The following ARL15 variants were observed in gnomAD, a reference collection of about 807,000 sequenced individuals.
ARL15 encodes ADP-ribosylation factor-like protein 15.
A neutral mutation model predicts 25.2 loss-of-function variants in ARL15; 19 were observed. The ratio of observed to expected loss-of-function variants is 0.75; its 90% confidence interval spans 0.53 to 1.10. The LOEUF is 1.10. ARL15 is among the 50% of genes least tolerant of loss of function. The probability of loss-of-function intolerance (pLI) is 0.00; values close to 1 mark genes in which losing one functional copy is unlikely to be tolerated. For synonymous variants in ARL15, 94 were observed against 86.8 expected (o/e 1.08, Z -0.46); for missense variants, 220 against 246.0 (o/e 0.89, Z 0.71).
chr5:54,018,054 G>C (rs1033317494), intron 4 of ARL15, among the ~76,000 whole-genome samples: 1 of 152,098 alleles, frequency 6.6e-6, no homozygotes, highest in South Asian at 2.1e-4. Flanking sequence ...CACTAGGCTT[G>C]TTGCCTAGTG....
chr5:54,191,473 A>T (rs1439615603), intron 1 of ARL15, among the ~76,000 whole-genome samples: 1 of 144,724 alleles, frequency 6.9e-6, no homozygotes, highest in East Asian at 1.9e-4. Context: ...TGAATTTTAT[A>T]TGTATTTTAC....
intron 4 of ARL15, among the ~76,000 whole-genome samples, chr5:53,959,717 G>A (rs1285192878): frequency 6.6e-6 from 1 of 151,864 alleles, no homozygotes; most frequent in Non-Finnish European, 1.5e-5. Flanking sequence ...TTGATCATTT[G>A]TCACCTTCTC....
intron 1 of ARL15, among the ~76,000 whole-genome samples, chr5:54,230,176 G>C (rs746196439): frequency 6.6e-6 from 1 of 151,690 alleles, no homozygotes; most frequent in Admixed American, 6.6e-5. Context: ...ATGAAATCCC[G>C]TCTCTACCAA....
In ARL15 at chr5:54,069,558, C is replaced by CAA. The variant is rs34795383; in HGVS notation, c.462+43642_462+43643dup. Among the ~76,000 whole-genome samples the CAA allele has an allele frequency of 3.1e-3, 150 of 48,076 alleles. 11 individuals are homozygous for CAA. The highest frequency in any genetic ancestry group is 0.012 in the African/African-American group (110 of 9,194). The allele number at this position is 48,076 out of a possible 152,430, so 31.5% of individuals were successfully genotyped here. A position where few individuals can be genotyped will look rare whatever the true frequency, so the allele number is the denominator to read the frequency against. ...CCTGGGTGACAACAGCAAAACGTCT[C>CAA]AAAAAAAAAAAAAAAAAAAAAAAAA... On this transcript the variant is annotated intron_variant, in intron 4 of 4. Coordinates refer to ENST00000504924, the MANE Select transcript of ARL15 (RefSeq NM_019087.3).
intron 4 of ARL15, among the ~76,000 whole-genome samples, chr5:53,942,379 A>G (rs1396454908): frequency 1.3e-5 from 2 of 152,170 alleles, no homozygotes; most frequent in Non-Finnish European, 2.9e-5. Context: ...ATAATCTAGA[A>G]ATCGGTTGAG....
At chr5:54,055,438 G>C (rs1004658263) in intron 4 of ARL15, among the ~76,000 whole-genome samples, 1 of 133,610 alleles carries the variant, frequency 7.5e-6, no homozygotes, top group South Asian at 2.3e-4. Flanking sequence ...TTGGCTCACT[G>C]CAACCTCCAT....
intron 1 of ARL15, among the ~76,000 whole-genome samples, chr5:54,267,681 A>G (rs1579966111): frequency 6.6e-6 from 1 of 152,154 alleles, no homozygotes; most frequent in Non-Finnish European, 1.5e-5. Context: ...AAAATCTCTC[A>G]GCATTAGCTT....
At chr5:54,125,085 G>GC (rs1409334463) in intron 3 of ARL15, among the ~76,000 whole-genome samples, 1 of 136,464 alleles carries the variant, frequency 7.3e-6, no homozygotes, top group Non-Finnish European at 1.6e-5. Flanking sequence ...GTTTTGTTTT[G>GC]TTTTTTTTTT....
At chr5:54,193,387 C>T (rs892462510) in intron 1 of ARL15, among the ~76,000 whole-genome samples, 1 of 152,186 alleles carries the variant, frequency 6.6e-6, no homozygotes, top group African/African-American at 2.4e-5. Context: ...TGAACCGGTA[C>T]TGGTCCATGG....
chr5:53,976,874 C>T (rs998983911), intron 4 of ARL15, among the ~76,000 whole-genome samples: 1 of 152,134 alleles, frequency 6.6e-6, no homozygotes, highest in African/African-American at 2.4e-5. Context: ...CAGTAACGAA[C>T]TTCATGGATT....
chr5:53,887,137 T>C (rs1181131297), intron 4 of ARL15, among the ~76,000 whole-genome samples: 3 of 152,242 alleles, frequency 2.0e-5, no homozygotes, highest in Non-Finnish European at 2.9e-5. Flanking sequence ...GGTACTATAT[T>C]GATTACTCAA....
chr5:54,061,417 C>T (rs1286089930), intron 4 of ARL15, among the ~76,000 whole-genome samples: 3 of 152,072 alleles, frequency 2.0e-5, no homozygotes, highest in Admixed American at 2.0e-4. Context: ...CGAGACCAGC[C>T]TGACTACCAT....
At chr5:54,272,660 C>T (rs1337413961) in intron 1 of ARL15, among the ~76,000 whole-genome samples, 1 of 152,190 alleles carries the variant, frequency 6.6e-6, no homozygotes, top group East Asian at 1.9e-4. Flanking sequence ...AGAAACCTCA[C>T]AATGGCCCTT....
intron 4 of ARL15, among the ~76,000 whole-genome samples, chr5:54,002,388 G>T (rs1748875326): frequency 6.6e-6 from 1 of 152,208 alleles, no homozygotes; most frequent in Non-Finnish European, 1.5e-5. Context: ...GAATTGAGAA[G>T]AGGAACTTGG....
chr5:54,110,393 C>T (rs991827159), intron 4 of ARL15, among the ~76,000 whole-genome samples: 6 of 151,978 alleles, frequency 3.9e-5, no homozygotes, highest in African/African-American at 1.2e-4. Context: ...AATTATTGCA[C>T]ATTTTCTGCA....
intron 3 of ARL15, among the ~76,000 whole-genome samples, chr5:54,138,890 C>T (rs1285684892): frequency 2.6e-5 from 4 of 152,026 alleles, no homozygotes; most frequent in Non-Finnish European, 5.9e-5. Context: ...AGAAGATATA[C>T]AAATGGTCAA....
intron 1 of ARL15, among the ~76,000 whole-genome samples, chr5:54,232,157 T>C (rs1756689395): frequency 6.6e-6 from 1 of 152,142 alleles, no homozygotes; most frequent in Non-Finnish European, 1.5e-5. Context: ...TTCCAAAAAG[T>C]CCTGCAATCT....
At chr5:54,068,298 T>C (rs1751310377) in intron 4 of ARL15, among the ~76,000 whole-genome samples, 1 of 152,014 alleles carries the variant, frequency 6.6e-6, no homozygotes, top group South Asian at 2.1e-4. Flanking sequence ...TAAGACCCAA[T>C]CAGTGGGTTC....
chr5:54,012,315 G>T (rs980359784), intron 4 of ARL15, among the ~76,000 whole-genome samples: 45 of 152,162 alleles, frequency 3.0e-4, no homozygotes, highest in Admixed American at 5.2e-4. Context: ...CCTCTTCATG[G>T]TTTTGATTGT....
Sources: allele counts gnomAD v4.1 joint callset (sites outside exome capture counted in the v4.1 genomes callset), GRCh38; gene constraint gnomAD v4.1.1; transcripts MANE v1.5; gene names NCBI Gene and HGNC (gene_info 2026-07-23, HGNC 2026-07-21).